The following KLHL24 variants were observed in gnomAD, a reference collection of about 807,000 sequenced individuals.
The protein encoded by KLHL24 is kelch like family member 24, also known as kelch-like protein 24.
In KLHL24, 29 loss-of-function variants were observed where a neutral mutation model predicts 53.4. The observed-to-expected ratio is 0.54, with a 90% CI of 0.40 to 0.74. The LOEUF (loss-of-function observed/expected upper bound fraction) is 0.74, where lower values mean the gene tolerates loss of function less well. KLHL24 is among the 30% of genes least tolerant of loss of function. The probability of loss-of-function intolerance (pLI) is 0.00; values close to 1 mark genes in which losing one functional copy is unlikely to be tolerated. For missense variants in KLHL24, 504 were observed against 744.0 expected, an observed-to-expected ratio of 0.68 and a Z score of 3.75; for synonymous variants, 222 against 253.7, an observed-to-expected ratio of 0.88 and a Z score of 1.19.
In KLHL24 at chr3:183,684,478, TTAC is replaced by T. The variant is rs1390266848; in HGVS notation, c.*5194_*5196del. ...CTAATAAAATGTCTTTTAACCATTA[TTAC>T]TTGACTATATGGTTGTATTAAATTT... On this transcript the variant is annotated 3_prime_UTR_variant, in exon 8 of 8. Coordinates refer to ENST00000242810, the MANE Select transcript of KLHL24 (RefSeq NM_017644.3). 2.6e-5 allele frequency: 4 copies of T among 152,650 alleles called. No homozygotes were observed. The highest frequency in any genetic ancestry group is 7.2e-5 in the African/African-American group (3 of 41,450). The allele number at this position is 152,650 out of a possible 1,614,324, so 9.5% of individuals were successfully genotyped here.
chr3:183,649,683 A>C (rs956940500), intron 2 of KLHL24, among the ~76,000 whole-genome samples: 1 of 152,030 alleles, frequency 6.6e-6, no homozygotes, highest in Admixed American at 6.6e-5. Flanking sequence ...TGAGAGGCTG[A>C]GGTGAGAGGA....
chr3:183,665,857 T>C (rs769428235), intron 5 of KLHL24, among the ~76,000 whole-genome samples: 10 of 152,102 alleles, frequency 6.6e-5, no homozygotes, highest in African/African-American at 2.4e-4. Context: ...CTAAACCATC[T>C]ACTGTCTGTA....
intron 2 of KLHL24, among the ~76,000 whole-genome samples, chr3:183,646,137 G>T (rs1177791661): frequency 6.6e-6 from 1 of 151,598 alleles, no homozygotes; most frequent in Non-Finnish European, 1.5e-5. Flanking sequence ...GGCTGAGGCA[G>T]ATGGACCACT....
chr3:183,669,226 C>T (rs117333583), intron 5 of KLHL24, among the ~76,000 whole-genome samples: 3,438 of 152,126 alleles, frequency 0.023, 112 homozygotes, highest in East Asian at 0.16. Context: ...GTGGCGGGCA[C>T]CTGTAATCCC....
At chr3:183,653,154 C>A (rs1441099296) in intron 3 of KLHL24, among the ~76,000 whole-genome samples, 1 of 152,126 alleles carries the variant, frequency 6.6e-6, no homozygotes, top group East Asian at 1.9e-4. Flanking sequence ...GCAGTATCAC[C>A]GTTCTTTAAG....
intron 2 of KLHL24, among the ~76,000 whole-genome samples, chr3:183,649,647 G>A (rs1046139291): frequency 3.3e-5 from 5 of 152,090 alleles, no homozygotes; most frequent in African/African-American, 1.2e-4. Flanking sequence ...CAGGCATGGT[G>A]GCTCATGCCT....
chr3:183,677,799 T>C (rs1396922979), intron 7 of KLHL24, among the ~76,000 whole-genome samples: 4 of 152,094 alleles, frequency 2.6e-5, no homozygotes, highest in Non-Finnish European at 5.9e-5. Context: ...TTTGTTTGTT[T>C]ATTTTTTTTG....
intron 2 of KLHL24, among the ~76,000 whole-genome samples, chr3:183,647,298 TC>T (rs1717425109): frequency 6.6e-6 from 1 of 151,558 alleles, no homozygotes; most frequent in African/African-American, 2.4e-5. Flanking sequence ...CGCCTGTAGT[TC>T]CAGTTACTCA....
At position 183,665,051 on chromosome 3, in the gene KLHL24, C is replaced by T. The variant is rs1720330710; in HGVS notation, c.1224+12C>T. 7.4e-7 allele frequency: 1 copy of T among 1,352,718 alleles called. No individual in the cohort carries two copies. Among genetic ancestry groups the T allele is most frequent in the Non-Finnish European group, 1.1e-6 (1 of 945,042 alleles). The allele number at this position is 1,352,718 out of a possible 1,614,324, so 83.8% of individuals were successfully genotyped here. ...TCCTCCTTGGTAAAGTAAGAGAAAC[C>T]ACTTTTTATTACTATTGCTGGTACC... is the stretch of plus-strand genomic sequence containing the variant. On this transcript the variant is annotated intron_variant, in intron 5 of 7. Coordinates refer to ENST00000242810, the MANE Select transcript of KLHL24 (RefSeq NM_017644.3).
At chr3:183,642,639 C>T (rs1001507664) in intron 1 of KLHL24, among the ~76,000 whole-genome samples, 4 of 147,158 alleles carry the variant, frequency 2.7e-5, no homozygotes, top group South Asian at 2.1e-4. Context: ...GGAATTGTGC[C>T]GAATTAGTTG....
At position 183,679,212 on chromosome 3, in the gene KLHL24, G is replaced by T. The variant is rs1370821454; in HGVS notation, c.1729G>T (p.Ala577Ser). 1.9e-6 allele frequency: 3 copies of T among 1,613,830 alleles called. No homozygotes were observed. Among genetic ancestry groups the T allele is most frequent in the Non-Finnish European group, 2.5e-6 (3 of 1,179,880 alleles). The change falls in exon 8 of 8, where the codon GCA becomes TCA. Residue 577 changes from alanine to serine, a missense_variant. Physicochemically the swap from Ala to Ser is moderately conservative, Grantham distance 99 (BLOSUM62 1). Coordinates refer to ENST00000242810, the MANE Select transcript of KLHL24 (RefSeq NM_017644.3). ...AACAAGTATCATCACAGGGGTAGCT[G>T]CAATGCCCAGGCCAGTGTCCTATCA... is the stretch of plus-strand genomic sequence containing the variant. ...PATSIITGVAAMPRPVSYHGC... is the reference protein window; with the variant it reads ...PATSIITGVASMPRPVSYHGC...
chr3:183,652,822 T>C (rs369411913), intron 3 of KLHL24, among the ~76,000 whole-genome samples: 13 of 152,308 alleles, frequency 8.5e-5, no homozygotes, highest in African/African-American at 2.6e-4. Context: ...GGAAAATCAC[T>C]CCTTTTTCCA....
Position 183,679,211 on chromosome 3 carries a change from TGCAATGCCCAGGCCA to T in KLHL24, c.1730_1744del (p.Ala577_Pro581del). Reference sequence around the variant, plus strand: ...CAACAAGTATCATCACAGGGGTAGCTGCAATGCCCAGGCCAGTGTCCTATCATGGCTGTGTGACTA... The same window carrying T: ...CAACAAGTATCATCACAGGGGTAGCTGTGTCCTATCATGGCTGTGTGACTA... On this transcript the variant is annotated inframe_deletion, in exon 8 of 8. Transcript: ENST00000242810. 6.2e-7 allele frequency: 1 copy of T among 1,614,068 alleles called. No homozygotes were observed. The highest frequency in any genetic ancestry group is 8.5e-7 in the Non-Finnish European group (1 of 1,179,960).
chr3:183,642,835 GTGTA>G (rs1307307313), intron 1 of KLHL24: 1 of 151,500 alleles, frequency 6.6e-6, no homozygotes, highest in African/African-American at 2.4e-5. Flanking sequence ...ATATCACAGA[GTGTA>G]TGTTTTTTCA....
intron 7 of KLHL24, 67 bp from the exon 8 acceptor site, chr3:183,679,019 T>C: frequency 7.4e-7 from 1 of 1,347,052 alleles, no homozygotes; most frequent in Non-Finnish European, 1.1e-6. Flanking sequence ...TTATTTTGCT[T>C]TTCTGTTTGT....
At chr3:183,649,658 G>A (rs1178354238) in intron 2 of KLHL24, among the ~76,000 whole-genome samples, 2 of 151,830 alleles carry the variant, frequency 1.3e-5, no homozygotes, top group Non-Finnish European at 2.9e-5. Context: ...GCTCATGCCT[G>A]TAATCCCAGT....
rs1054665611 is a variant in KLHL24 at position 183,679,586 on chromosome 3, T to G, written c.*300T>G. ...ATTAGGAAATGTCTGTCTGCATACC[T>G]TTTAGGAGCGTGTGAATGGTGTCTT... On this transcript the variant is annotated 3_prime_UTR_variant, in exon 8 of 8. Transcript: ENST00000242810. 4 of 304,320 alleles carry G rather than the reference T, an allele frequency of 1.3e-5. No individual in the cohort carries two copies. The highest frequency in any genetic ancestry group is 2.5e-5 in the Non-Finnish European group (4 of 163,000). 18.9% of individuals were successfully genotyped at this position (304,320 alleles called of 1,614,324 possible). A position where few individuals can be genotyped will look rare whatever the true frequency, so the allele number is the denominator to read the frequency against.
Position 183,671,053 on chromosome 3 carries a change from A to C in KLHL24, c.1244A>C (p.Tyr415Ser). ...LLGKVYVVGG[Y>S]DGQNRLSSVE... ...ATATAGGTATATGTTGTCGGTGGCT[A>C]TGATGGGCAAAACAGACTTAGCAGC... Residue 415 changes from tyrosine (Y) to serine (S), a missense_variant, in exon 6 of 8, where the codon TAT (tyrosine) becomes TCT (serine). Physicochemically the swap from Tyr to Ser is moderately radical, Grantham distance 144 (BLOSUM62 -2). Coordinates refer to ENST00000242810, the MANE Select transcript of KLHL24 (RefSeq NM_017644.3). 2 of 1,613,610 alleles carry C rather than the reference A, an allele frequency of 1.2e-6. No individual in the cohort carries two copies. The highest frequency in any genetic ancestry group is 1.7e-6 in the Non-Finnish European group (2 of 1,179,612).
At chr3:183,668,936 G>T (rs1720954766) in intron 5 of KLHL24, among the ~76,000 whole-genome samples, 1 of 151,922 alleles carries the variant, frequency 6.6e-6, no homozygotes, top group African/African-American at 2.4e-5. Context: ...AGGAAGGGAT[G>T]ATGGAATAAT....
Sources: allele counts gnomAD v4.1 joint callset (sites outside exome capture counted in the v4.1 genomes callset), GRCh38; gene constraint gnomAD v4.1.1; transcripts MANE v1.5; gene names NCBI Gene and HGNC (gene_info 2026-07-23, HGNC 2026-07-21).